The following PHIP variants were observed in gnomAD, a reference collection of about 807,000 sequenced individuals.
PHIP encodes PH-interacting protein.
Under a neutral mutation model 236.8 loss-of-function variants are expected in PHIP, and 54 were observed. The ratio of observed to expected loss-of-function variants is 0.23; its 90% CI spans 0.18 to 0.29. The LOEUF (loss-of-function observed/expected upper bound fraction) is 0.29, where lower values mean the gene tolerates loss of function less well. Ranked by LOEUF, PHIP falls within the 10% of genes least tolerant of loss-of-function variation. The probability of loss-of-function intolerance (pLI) is 1.00; values close to 1 mark genes in which losing one functional copy is unlikely to be tolerated. For missense variants in PHIP, 1,370 were observed against 2,190.8 expected (o/e 0.63, Z 7.48); for synonymous variants, 756 against 718.9 (o/e 1.05, Z -0.83).
At chr6:78,999,443 G>A (rs1769850177) in intron 17 of PHIP, among the ~76,000 whole-genome samples, 2 of 151,908 alleles carry the variant, frequency 1.3e-5, no homozygotes, top group African/African-American at 2.4e-5. Context: ...ACATATCTAA[G>A]TATTCAGACC....
intron 39 of PHIP, among the ~76,000 whole-genome samples, chr6:78,942,586 A>T (rs1773562463): frequency 6.6e-6 from 1 of 152,204 alleles, no homozygotes; most frequent in South Asian, 2.1e-4. Context: ...CCTGACCCCC[A>T]TAGTGAAATG....
In PHIP at chr6:79,076,922, A is replaced by C. The variant is rs74839403; in HGVS notation, c.189+526T>G. Among the ~76,000 whole-genome samples the C allele has an allele frequency of 1.7e-3, 266 of 152,304 alleles. 1 individual carries two copies. Among genetic ancestry groups the C allele is most frequent in the African/African-American group, 6.1e-3 (252 of 41,568 alleles). ...TTAAGGAAAACAAAATAAACGACAG[A>C]GGGGGAAAAAATAATGTCTTGCCAC... On this transcript the variant is annotated intron_variant, in intron 4 of 39. Transcript: ENST00000275034.
chr6:79,056,898 T>A (rs1773103941), intron 6 of PHIP, among the ~76,000 whole-genome samples: 1 of 152,104 alleles, frequency 6.6e-6, no homozygotes, highest in Non-Finnish European at 1.5e-5. Context: ...AGCGAGTGAA[T>A]GAATAATGTA....
At chr6:79,047,022 C>T (rs993684073) in intron 6 of PHIP, among the ~76,000 whole-genome samples, 3 of 151,274 alleles carry the variant, frequency 2.0e-5, no homozygotes, top group Admixed American at 6.6e-5. Flanking sequence ...AAGGGGAGAA[C>T]GTATTCACTT....
rs1428237980 is a variant in PHIP at position 78,938,111 on chromosome 6, C to T, written c.*2582G>A. Reference sequence around the variant, plus strand: ...TGATGACTTAAATTTCTTAATTCAACTTCTGTAATGCATAGAAGCTAAATT... The same window carrying T: ...TGATGACTTAAATTTCTTAATTCAATTTCTGTAATGCATAGAAGCTAAATT... On this transcript the variant is annotated 3_prime_UTR_variant, in exon 40 of 40. Coordinates refer to ENST00000275034, the MANE Select transcript of PHIP (RefSeq NM_017934.7). 6 of 151,620 alleles carry T rather than the reference C, an allele frequency of 4.0e-5. No individual in the cohort carries two copies. The highest frequency in any genetic ancestry group is 7.4e-5 in the Non-Finnish European group (5 of 67,622). The allele number at this position is 151,620 out of a possible 1,614,324, so 9.4% of individuals were successfully genotyped here.
At chr6:79,047,174 A>T (rs1772539120) in intron 6 of PHIP, among the ~76,000 whole-genome samples, 1 of 152,196 alleles carries the variant, frequency 6.6e-6, no homozygotes, top group South Asian at 2.1e-4. Context: ...CTTTGAAATA[A>T]AGTATATGTG....
intron 4 of PHIP, among the ~76,000 whole-genome samples, chr6:79,076,794 C>CTT (rs772511416): frequency 1.5e-4 from 23 of 152,192 alleles, no homozygotes; most frequent in Admixed American, 3.3e-4. Flanking sequence ...GAATTACAGG[C>CTT]TTTACACTTC....
chr6:79,041,521 C>T (rs894059056), intron 7 of PHIP, among the ~76,000 whole-genome samples: 4 of 151,964 alleles, frequency 2.6e-5, no homozygotes, highest in Admixed American at 2.6e-4. Flanking sequence ...ATATAGTGCT[C>T]CTTTTTCATT....
chr6:79,039,655 C>T (rs1180936200), intron 7 of PHIP, among the ~76,000 whole-genome samples: 1 of 152,056 alleles, frequency 6.6e-6, no homozygotes, highest in Non-Finnish European at 1.5e-5. Flanking sequence ...CTTTATTATA[C>T]CATATTAATT....
At chr6:79,019,246 G>A in intron 9 of PHIP, 87 bp from the exon 10 acceptor site, 4 of 963,832 alleles carry the variant, frequency 4.2e-6, no homozygotes, top group Non-Finnish European at 6.5e-6. Context: ...AATCCCAGAA[G>A]GACAAAATTA....
intron 6 of PHIP, among the ~76,000 whole-genome samples, chr6:79,048,003 A>G (rs1191260551): frequency 1.4e-5 from 2 of 144,852 alleles, no homozygotes; most frequent in African/African-American, 5.0e-5. Context: ...ATACATATGT[A>G]TTTTTTTTTT....
intron 9 of PHIP, among the ~76,000 whole-genome samples, chr6:79,021,923 C>T (rs1771135016): frequency 6.6e-6 from 1 of 151,910 alleles, no homozygotes; most frequent in South Asian, 2.1e-4. Context: ...GATGGAGACC[C>T]CCTTTAACAC....
rs1374568672 is a variant in PHIP at position 78,935,684 on chromosome 6, T to C, written c.*5009A>G. 21 of 984,690 alleles carry C rather than the reference T, an allele frequency of 2.1e-5. No homozygotes were observed. Among genetic ancestry groups the C allele is most frequent in the Non-Finnish European group, 2.5e-5 (21 of 829,264 alleles). 61.0% of individuals were successfully genotyped at this position (984,690 alleles called of 1,614,324 possible). On this transcript the variant is annotated 3_prime_UTR_variant, in exon 40 of 40. Coordinates refer to ENST00000275034, the MANE Select transcript of PHIP (RefSeq NM_017934.7). The stretch of plus-strand genomic sequence containing the variant: ...TTTCGGCACCCAAATATCTTTTAAC[T>C]GACAGTTTTCACACTTTGCAAAACA...
At chr6:78,966,490 G>A (rs796315659) in intron 27 of PHIP, among the ~76,000 whole-genome samples, 1 of 151,946 alleles carries the variant, frequency 6.6e-6, no homozygotes, top group African/African-American at 2.4e-5. Flanking sequence ...AAGACTCCAC[G>A]CTAAAAACAA....
At chr6:78,994,943 A>G (rs186440025) in intron 19 of PHIP, among the ~76,000 whole-genome samples, 25 of 152,350 alleles carry the variant, frequency 1.6e-4, no homozygotes, top group African/African-American at 6.0e-4. Context: ...ATAGAATAGT[A>G]TAACCTTAAC....
chr6:78,951,562 G>A (rs1774152743), intron 35 of PHIP, among the ~76,000 whole-genome samples: 1 of 152,092 alleles, frequency 6.6e-6, no homozygotes, highest in Non-Finnish European at 1.5e-5. Context: ...TTCTGTGACA[G>A]TAATTAACAA....
chr6:78,980,087 T>C (rs1295603009), intron 23 of PHIP, among the ~76,000 whole-genome samples: 1 of 151,974 alleles, frequency 6.6e-6, no homozygotes, highest in Admixed American at 6.6e-5. Context: ...CACTTATATT[T>C]TAAAAGGATC....
At chr6:78,969,406 A>C (rs551888656) in intron 27 of PHIP, among the ~76,000 whole-genome samples, 2 of 152,284 alleles carry the variant, frequency 1.3e-5, no homozygotes, top group East Asian at 3.9e-4. Context: ...ACTTTTACAG[A>C]TTTTAGTTTC....
intron 24 of PHIP, among the ~76,000 whole-genome samples, chr6:78,975,470 G>A (rs1767980271): frequency 1.3e-5 from 2 of 152,166 alleles, no homozygotes; most frequent in South Asian, 4.1e-4. Context: ...GCACAAGACA[G>A]GGATGCTCTC....
Sources: gnomAD v4.1 joint callset for allele counts (sites outside exome capture counted in the v4.1 genomes callset) on GRCh38, gnomAD v4.1.1 for gene constraint, MANE v1.5 for transcripts, NCBI Gene and HGNC (gene_info 2026-07-23, HGNC 2026-07-21) for gene names.